The following PPP2R1B variants were observed in gnomAD, a reference collection of about 807,000 sequenced individuals.
The protein encoded by PPP2R1B is serine/threonine-protein phosphatase 2A 65 kDa regulatory subunit A beta isoform.
PPP2R1B carries 58 observed loss-of-function variants against 72.7 expected under a neutral mutation model. That is an observed-to-expected ratio of 0.80 (90% CI 0.65 to 0.99). PPP2R1B has a LOEUF of 0.99. Among genes scored for constraint, PPP2R1B ranks in the 50% least tolerant of loss-of-function variants. The pLI, the probability that PPP2R1B is intolerant of heterozygous loss-of-function variation, is 0.00. For missense variants in PPP2R1B, 695 were observed against 733.6 expected (o/e 0.95, Z 0.61); for synonymous variants, 256 against 264.6 (o/e 0.97, Z 0.32).
At position 111,739,447 on chromosome 11, in the gene PPP2R1B, T is replaced by G; in HGVS notation, c.*2149A>C. 1 of 985,340 alleles carries G rather than the reference T, an allele frequency of 1.0e-6. No individual in the cohort carries two copies. The highest frequency in any genetic ancestry group is 4.7e-5 in the South Asian group (1 of 21,282). The allele number at this position is 985,340 out of a possible 1,614,324, so 61.0% of individuals were successfully genotyped here. On this transcript the variant is annotated 3_prime_UTR_variant, in exon 15 of 15. Transcript: ENST00000527614. ...GTACCAAAACAAATTCTCTCTCTAT[T>G]GCTTAAGTCAGAAGGAAACAATGAA...
chr11:111,704,108 G>C, the PPP2R1B span, among the ~76,000 whole-genome samples: 1 of 152,198 alleles, frequency 6.6e-6, no homozygotes, highest in Non-Finnish European at 1.5e-5. Flanking sequence ...GCTCCGGGCT[G>C]TGCTGCCTTT....
chr11:111,726,004 G>A (rs1396133226), downstream of PPP2R1B: 1 of 152,150 alleles, frequency 6.6e-6, no homozygotes, highest in Non-Finnish European at 1.5e-5. Context: ...ATTCCTGCTC[G>A]TGCTTAAGAT....
chr11:111,750,156 G>A (rs1178901773), intron 10 of PPP2R1B, among the ~76,000 whole-genome samples: 1 of 152,142 alleles, frequency 6.6e-6, no homozygotes, highest in East Asian at 1.9e-4. Flanking sequence ...AACATATAAT[G>A]CCACAGACAT....
At chr11:111,762,729 G>A (rs1322032138) in intron 3 of PPP2R1B, among the ~76,000 whole-genome samples, 1 of 151,688 alleles carries the variant, frequency 6.6e-6, no homozygotes, top group African/African-American at 2.4e-5. Flanking sequence ...TAAGTGTTGG[G>A]GTCTCACTAT....
At chr11:111,753,749 C>T (rs1400224040) in intron 8 of PPP2R1B, among the ~76,000 whole-genome samples, 172 bp from the exon 9 acceptor site, 3 of 152,036 alleles carry the variant, frequency 2.0e-5, no homozygotes, top group Non-Finnish European at 2.9e-5. Flanking sequence ...TCCAGAGTAG[C>T]TGGGTCTACA....
In PPP2R1B at chr11:111,765,400, TAGAA is replaced by T. The variant is rs370708750; in HGVS notation, c.115-20_115-17del. Reference sequence around the variant, plus strand: ...TGAGTCGGAGCTTCAGAAAAGAAAGTAGAAAGAAGAACAATGTAAAGAAACGGCT... The same window carrying T: ...TGAGTCGGAGCTTCAGAAAAGAAAGTAGAAGAACAATGTAAAGAAACGGCT... On this transcript the variant is annotated splice_polypyrimidine_tract_variant and intron_variant, in intron 1 of 14. Coordinates refer to ENST00000527614, the MANE Select transcript of PPP2R1B (RefSeq NM_002716.5). 6.9e-6 allele frequency: 11 copies of T among 1,586,398 alleles called. No individual in the cohort carries two copies. The African/African-American group carries it at 1.2e-4, about 18-fold the overall frequency.
chr11:111,702,920 A>G, the PPP2R1B span, among the ~76,000 whole-genome samples: 2 of 15,650 alleles, frequency 1.3e-4, no homozygotes, highest in Non-Finnish European at 8.5e-4. Context: ...AGTGGAAACC[A>G]AAGTCTGTTT....
chr11:111,725,047 T>C (rs889978877), downstream of PPP2R1B: 5 of 152,658 alleles, frequency 3.3e-5, no homozygotes, highest in Non-Finnish European at 1.5e-5. Context: ...ACTTTGACCT[T>C]ACACTATATG....
At chr11:111,703,379 C>T in the PPP2R1B span, 7 of 1,613,856 alleles carry the variant, frequency 4.3e-6, no homozygotes, top group Non-Finnish European at 5.9e-6. Flanking sequence ...GCAGGTTCTG[C>T]GACTGATGCA....
chr11:111,753,600 A>T, intron 8 of PPP2R1B, 23 bp from the exon 9 acceptor site: 2 of 1,589,928 alleles, frequency 1.3e-6, no homozygotes, highest in Non-Finnish European at 1.7e-6. Context: ...CGAAATTAAA[A>T]GCCTTTATTA....
chr11:111,758,270 GTT>G lies in PPP2R1B; in HGVS notation c.687+1532_687+1533del, dbSNP rs1346958910. Among the ~76,000 whole-genome samples, 9 of 152,306 alleles carry G rather than the reference GTT, an allele frequency of 5.9e-5. No homozygotes were observed. The South Asian group carries it at 1.9e-3, about 32-fold the overall frequency. ...CATTATATTTCTGTTGTAAAGCACT[GTT>G]TTAAACTATAACATTTAGGTAATAA... On this transcript the variant is annotated intron_variant, in intron 5 of 14. Coordinates refer to ENST00000527614, the MANE Select transcript of PPP2R1B (RefSeq NM_002716.5).
chr11:111,765,691 G>C (rs1945501726), intron 1 of PPP2R1B: 1 of 504,740 alleles, frequency 2.0e-6, no homozygotes, highest in African/African-American at 1.9e-5. Flanking sequence ...CAGTGGTGAA[G>C]CAGGTGAAAC....
Position 111,739,518 on chromosome 11 carries a change from C to A in PPP2R1B, c.*2078G>T. ...AAAGACAGAGGCCCCGCTGAACCCC[C>A]GACCCATGCTTGAGAAAGCCAGGGC... On this transcript the variant is annotated 3_prime_UTR_variant, in exon 15 of 15. Coordinates refer to ENST00000527614, the MANE Select transcript of PPP2R1B (RefSeq NM_002716.5). 1.0e-6 allele frequency: 1 copy of A among 985,428 alleles called. No individual in the cohort carries two copies. The highest frequency in any genetic ancestry group is 6.1e-5 in the Admixed American group (1 of 16,276). The allele number at this position is 985,428 out of a possible 1,614,324, so 61.0% of individuals were successfully genotyped here.
chr11:111,720,094 TA>T, the PPP2R1B span: 18 of 1,245,046 alleles, frequency 1.4e-5, no homozygotes, highest in Non-Finnish European at 2.1e-5. Flanking sequence ...AGCCAACACC[TA>T]AAATTGAGTC....
chr11:111,706,580 C>G, the PPP2R1B span, among the ~76,000 whole-genome samples: 1 of 152,124 alleles, frequency 6.6e-6, no homozygotes, highest in Non-Finnish European at 1.5e-5. Flanking sequence ...GCATTGGCAT[C>G]TACAGAGTAT....
the PPP2R1B span, among the ~76,000 whole-genome samples, chr11:111,715,858 G>A: frequency 7.6e-6 from 1 of 130,966 alleles, no homozygotes; most frequent in Non-Finnish European, 1.5e-5. Context: ...CTGGAGTGCA[G>A]TGACACGATC....
downstream of PPP2R1B, chr11:111,722,803 C>G: frequency 6.4e-7 from 1 of 1,552,150 alleles, no homozygotes; most frequent in Non-Finnish European, 8.9e-7. The surrounding 1 kb of genome is among the most constrained non-coding windows in gnomAD (Gnocchi z 4.4). Context: ...TTTCTGGAAG[C>G]CTTGAGAACA....
chr11:111,742,912 C>A (rs1462415793), intron 12 of PPP2R1B, among the ~76,000 whole-genome samples: 4 of 150,328 alleles, frequency 2.7e-5, no homozygotes, highest in Non-Finnish European at 5.9e-5. Context: ...CGGAGTTTTG[C>A]CTTGTCGCCC....
chr11:111,766,328 C>T lies in PPP2R1B; in HGVS notation c.34G>A (p.Gly12Arg). 1 of 1,557,718 alleles carries T rather than the reference C, an allele frequency of 6.4e-7. No individual in the cohort carries two copies. The highest frequency in any genetic ancestry group is 8.7e-7 in the Non-Finnish European group (1 of 1,155,178). ...TCATCTCCATCTCCACCCGCTGCTC[C>T]TGGGCCGGTCCCGAGCTCTGATGCG... ...AGASELGTGP[G>R]AAGGDGDDSL... The change falls in exon 1 of 15, where the codon GGA becomes AGA. Residue 12 changes from glycine (G) to arginine (R), a missense_variant. Gly to Arg is a moderately radical substitution (Grantham distance 125). Coordinates refer to ENST00000527614, the MANE Select transcript of PPP2R1B (RefSeq NM_002716.5).
Sources: allele counts gnomAD v4.1 joint callset (sites outside exome capture counted in the v4.1 genomes callset), GRCh38; gene constraint gnomAD v4.1.1; non-coding constraint Gnocchi (gnomAD v3.1); transcripts MANE v1.5; gene names NCBI Gene and HGNC (gene_info 2026-07-23, HGNC 2026-07-21).